Variants in COPZ1 observed in about 807,000 individuals in gnomAD.
COPZ1 encodes the protein coat protein complex I subunit zeta 1.
Under a neutral mutation model 31.7 loss-of-function variants are expected in COPZ1, and 4 were observed. That is an observed-to-expected ratio of 0.13 (90% confidence interval 0.06 to 0.29). The LOEUF is 0.29. COPZ1 is among the 10% of genes least tolerant of loss of function. COPZ1 has a pLI of 1.00. For synonymous variants in COPZ1, 74 were observed against 79.0 expected (o/e 0.94, Z 0.33); for missense variants, 156 against 211.5 (o/e 0.74, Z 1.63).
At chr12:54,336,587 T>G (rs1287162805) in intron 1 of COPZ1, among the ~76,000 whole-genome samples, 1 of 151,910 alleles carries the variant, frequency 6.6e-6, no homozygotes, top group African/African-American at 2.4e-5. Flanking sequence ...TATTTTTGCT[T>G]ATGACTGTAA....
intron 8 of COPZ1, chr12:54,350,011 A>G (rs892970368): frequency 1.7e-6 from 1 of 592,188 alleles, no homozygotes; most frequent in Non-Finnish European, 3.0e-6. Context: ...TTATTATTCA[A>G]TTGAGGGCTA....
chr12:54,331,173 CT>C (rs1000222358), intron 1 of COPZ1, among the ~76,000 whole-genome samples: 296 of 80,288 alleles, frequency 3.7e-3, no homozygotes, highest in Middle Eastern at 0.01. Flanking sequence ...TTTTCACACT[CT>C]TTTTTTTTTT....
intron 1 of COPZ1, among the ~76,000 whole-genome samples, chr12:54,332,034 C>A (rs1403186554): frequency 6.6e-6 from 1 of 152,084 alleles, no homozygotes; most frequent in African/African-American, 2.4e-5. Context: ...GGTAAAAAAT[C>A]CTCCAGCAAG....
chr12:54,337,253 C>G (rs1163646382), intron 1 of COPZ1: 1 of 534,736 alleles, frequency 1.9e-6, no homozygotes, highest in Admixed American at 1.9e-5. Flanking sequence ...TTCTGTTATA[C>G]ACTCAGGCTG....
chr12:54,338,849 A>G (rs1953918738), intron 1 of COPZ1, among the ~76,000 whole-genome samples: 1 of 152,160 alleles, frequency 6.6e-6, no homozygotes, highest in Non-Finnish European at 1.5e-5. Flanking sequence ...TTTTACTTCC[A>G]TTCTGAACTG....
chr12:54,338,030 C>G (rs1309666161), intron 1 of COPZ1, among the ~76,000 whole-genome samples: 1 of 152,192 alleles, frequency 6.6e-6, no homozygotes, highest in Non-Finnish European at 1.5e-5. Flanking sequence ...TCTGACTCTC[C>G]CAGTTGGCTG....
intron 1 of COPZ1, among the ~76,000 whole-genome samples, chr12:54,329,850 G>C (rs1008125602): frequency 2.0e-5 from 3 of 152,198 alleles, no homozygotes; most frequent in Non-Finnish European, 2.9e-5. Flanking sequence ...ATATGTCAAT[G>C]ACTTTAAAGG....
intron 1 of COPZ1, chr12:54,325,437 C>T (rs1038616923): frequency 5.9e-6 from 3 of 504,468 alleles, no homozygotes; most frequent in Non-Finnish European, 1.1e-5. Flanking sequence ...GATACACAGA[C>T]CTGTAGGCGT....
rs60827109 is a variant in COPZ1, at chr12:54,326,961, C to CTTTTTTTTTTT, written c.18+1807_18+1817dup. 1.3e-3 allele frequency among the ~76,000 whole-genome samples: 58 copies of CTTTTTTTTTTT among 43,568 alleles called. 21 individuals are homozygous for CTTTTTTTTTTT. Among genetic ancestry groups the CTTTTTTTTTTT allele is most frequent in the Admixed American group, 1.5e-3 (6 of 4,102 alleles). 28.6% of individuals were successfully genotyped at this position (43,568 alleles called of 152,430 possible). A position where few individuals can be genotyped will look rare whatever the true frequency, so the allele number is the denominator to read the frequency against. ...CTGTACCAAGCAGTTAACAAGTATT[C>CTTTTTTTTTTT]TTTTTTTTTTTTTTTTTTTTTTTTT... On this transcript the variant is annotated intron_variant, in intron 1 of 8. Coordinates refer to ENST00000262061, the MANE Select transcript of COPZ1 (RefSeq NM_016057.3).
intron 1 of COPZ1, among the ~76,000 whole-genome samples, chr12:54,339,712 G>A (rs1259722317): frequency 6.6e-6 from 1 of 152,130 alleles, no homozygotes; most frequent in Non-Finnish European, 1.5e-5. Flanking sequence ...AGTTGAAGAA[G>A]AACCATTAAG....
Position 54,345,441 on chromosome 12 carries a change from C to T in COPZ1, c.262-19C>T, listed in dbSNP as rs774746641. 1.2e-6 allele frequency: 2 copies of T among 1,608,554 alleles called. No homozygotes were observed. The highest frequency in any genetic ancestry group is 1.3e-5 in the African/African-American group (1 of 74,802). On this transcript the variant is annotated intron_variant, in intron 4 of 8. Transcript: ENST00000262061. ...AGGGCCTTGAACCTTATCCTTCTGC[C>T]TCCTCTGTTTCCCAACAGCTGATGC...
chr12:54,345,310 T>C, intron 4 of COPZ1, 150 bp from the exon 5 acceptor site: 1 of 579,424 alleles, frequency 1.7e-6, no homozygotes, highest in Non-Finnish European at 3.1e-6. Flanking sequence ...CAGATCCTTT[T>C]CCTGTTGTGC....
chr12:54,339,101 A>G (rs1301368667), intron 1 of COPZ1, among the ~76,000 whole-genome samples: 1 of 152,092 alleles, frequency 6.6e-6, no homozygotes. Flanking sequence ...GTCTCAGCAC[A>G]AGGGATATCA....
chr12:54,344,948 T>C (rs1954037625), intron 4 of COPZ1: 1 of 152,048 alleles, frequency 6.6e-6, no homozygotes, highest in African/African-American at 2.4e-5. Flanking sequence ...GTAGACAGGG[T>C]TTTGCCATGT....
intron 1 of COPZ1, among the ~76,000 whole-genome samples, chr12:54,325,860 G>A (rs1953624529): frequency 6.9e-6 from 1 of 144,150 alleles, no homozygotes; most frequent in Non-Finnish European, 1.5e-5. Context: ...CTGTCACCCA[G>A]GCTGGAGTGC....
chr12:54,342,001 T>C (rs1034452269), intron 2 of COPZ1, among the ~76,000 whole-genome samples: 4 of 152,200 alleles, frequency 2.6e-5, no homozygotes, highest in African/African-American at 9.7e-5. Flanking sequence ...TGGGGTTGCT[T>C]ATGGCAGGGT....
intron 4 of COPZ1, 139 bp from the exon 5 acceptor site, chr12:54,345,321 T>C: frequency 3.4e-6 from 2 of 591,630 alleles, no homozygotes; most frequent in Non-Finnish European, 6.1e-6. Context: ...CCTGTTGTGC[T>C]CTCACTTCCA....
intron 1 of COPZ1, among the ~76,000 whole-genome samples, chr12:54,334,506 G>C (rs1250385047): frequency 6.6e-6 from 1 of 152,026 alleles, no homozygotes; most frequent in African/African-American, 2.4e-5. Flanking sequence ...AAGTCTATCG[G>C]ATTGTGGCTG....
intron 7 of COPZ1, 119 bp from the exon 8 acceptor site, chr12:54,349,501 A>G: frequency 1.2e-6 from 1 of 828,256 alleles, no homozygotes. Context: ...TGAGAAGTTC[A>G]GTGCATCTGC....
Sources: allele counts gnomAD v4.1 joint callset (sites outside exome capture counted in the v4.1 genomes callset), GRCh38; gene constraint gnomAD v4.1.1; transcripts MANE v1.5; gene names NCBI Gene and HGNC (gene_info 2026-07-23, HGNC 2026-07-21).